The following VCPIP1 variants were observed in gnomAD, a reference collection of about 807,000 sequenced individuals.
The protein encoded by VCPIP1 is deubiquitinating protein VCPIP1.
Under a neutral mutation model 85.0 loss-of-function variants are expected in VCPIP1, and 8 were observed. The observed-to-expected ratio is 0.09, with a 90% confidence interval of 0.06 to 0.17. The LOEUF (loss-of-function observed/expected upper bound fraction) is 0.17. VCPIP1 is among the 10% of genes least tolerant of loss of function. The pLI, the probability that VCPIP1 is intolerant of heterozygous loss-of-function variation, is 1.00. For missense variants in VCPIP1, 1,070 were observed against 1,486.3 expected (o/e 0.72, Z 4.61); for synonymous variants, 543 against 544.5 (o/e 1.00, Z 0.04).
At chr8:66,635,423 A>ATT in intron 2 of VCPIP1, 51 bp from the exon 3 acceptor site, 1 of 1,481,308 alleles carries the variant, frequency 6.8e-7, no homozygotes, top group Non-Finnish European at 9.0e-7. Context: ...GGTATTAATA[A>ATT]AAGTGTAGTC....
rs1343858408 is a variant in VCPIP1, at chr8:66,631,964, G to A, written c.*2537C>T. On this transcript the variant is annotated 3_prime_UTR_variant, in exon 3 of 3. Transcript: ENST00000310421. ...AATTTGGTATGATTAACTATAAAAT[G>A]GATTACTGAAGAAAAAATTTACAAC... 1 of 151,788 alleles carries A rather than the reference G, an allele frequency of 6.6e-6. No homozygotes were observed. The highest frequency in any genetic ancestry group is 1.5e-5 in the Non-Finnish European group (1 of 67,840). The allele number at this position is 151,788 out of a possible 1,614,324, so 9.4% of individuals were successfully genotyped here. A position where few individuals can be genotyped will look rare whatever the true frequency, so the allele number is the denominator to read the frequency against.
In VCPIP1 at chr8:66,665,996, G is replaced by A. The variant is rs188866162; in HGVS notation, c.963C>T (p.Thr321=). Residue 321 remains threonine, a synonymous_variant, in exon 1 of 3, where the codon ACC becomes ACT. Transcript: ENST00000310421. This position sits in a 1 kb window ranked among gnomAD's most constrained non-coding sequence, Gnocchi z 4.3. ...GMRSSGDYSA[T]FLPGLIPAEK... ...CTGCAGGGATGAGCCCAGGTAGAAA[G>A]GTGGCTGAATAATCACCAGAGCTTC... 8 of 1,614,180 alleles carry A rather than the reference G, an allele frequency of 5.0e-6. No homozygotes were observed. In the Admixed American group the frequency reaches 1.2e-4, roughly 24 times the overall value.
chr8:66,649,780 C>T (rs952186333), intron 2 of VCPIP1, among the ~76,000 whole-genome samples: 10 of 152,130 alleles, frequency 6.6e-5, no homozygotes, highest in South Asian at 2.1e-4. Flanking sequence ...GTGTTGGTTA[C>T]ATGACTATAT....
chr8:66,659,653 C>G (rs182085713), intron 1 of VCPIP1, among the ~76,000 whole-genome samples: 1 of 152,016 alleles, frequency 6.6e-6, no homozygotes, highest in Non-Finnish European at 1.5e-5. Flanking sequence ...ACATACAGGC[C>G]GGGTGCAGTG....
At chr8:66,643,884 CAAA>C (rs35921029) in intron 2 of VCPIP1, among the ~76,000 whole-genome samples, 1 of 70,504 alleles carries the variant, frequency 1.4e-5, no homozygotes, top group African/African-American at 4.4e-5. Context: ...AATGGACAGC[CAAA>C]AAAAAAAAAA....
rs767825610 is a variant in VCPIP1 at position 66,635,022 on chromosome 8, C to T, written c.3148G>A (p.Val1050Ile). The change falls in exon 3 of 3, where the codon GTT becomes ATT. Residue 1050 changes from valine (V) to isoleucine (I), a missense_variant. By Grantham distance (29) the Val-to-Ile change is conservative (BLOSUM62 3). This residue lies in a region of VCPIP1 where 255 missense variants were observed against 289.5 expected (regional missense o/e 0.88). Coordinates refer to ENST00000310421, the MANE Select transcript of VCPIP1 (RefSeq NM_025054.5). ...GTCCCTGTATTATGCTTTCTTACAA[C>T]TGAAGTTTCCCTAGCTCTTGGATCA... ...HLDPRARETSVVRKHNTGTDF... is the reference protein window; with the variant it reads ...HLDPRARETSIVRKHNTGTDF... The T allele has an allele frequency of 3.1e-6, 5 of 1,613,530 alleles. No homozygotes were observed. The South Asian group carries it at 3.3e-5, about 11-fold the overall frequency.
At chr8:66,664,198 G>T in intron 1 of VCPIP1, 51 bp downstream of exon 1, 1 of 1,469,154 alleles carries the variant, frequency 6.8e-7, no homozygotes, top group Non-Finnish European at 9.0e-7. Context: ...GGAAAACTCA[G>T]TGTATTATAT....
In VCPIP1 at chr8:66,630,345, A is replaced by G. The variant is rs1586618906; in HGVS notation, c.*4156T>C. ...TTACACTATTACTGCTTATGTTTAC[A>G]AATTCTAAGTATCATTTCCCTCCAA... On this transcript the variant is annotated 3_prime_UTR_variant, in exon 3 of 3. Coordinates refer to ENST00000310421, the MANE Select transcript of VCPIP1 (RefSeq NM_025054.5). 1 of 152,646 alleles carries G rather than the reference A, an allele frequency of 6.6e-6. No homozygotes were observed. Among genetic ancestry groups the G allele is most frequent in the East Asian group, 1.9e-4 (1 of 5,190 alleles). The allele number at this position is 152,646 out of a possible 1,614,324, so 9.5% of individuals were successfully genotyped here.
chr8:66,649,717 C>A (rs527764111), intron 2 of VCPIP1, among the ~76,000 whole-genome samples: 1 of 152,214 alleles, frequency 6.6e-6, no homozygotes, highest in South Asian at 2.1e-4. Context: ...CAAAGAGGCA[C>A]AAGAAAACTT....
At chr8:66,659,363 ACTGT>A (rs957991254) in intron 1 of VCPIP1, among the ~76,000 whole-genome samples, 5 of 152,146 alleles carry the variant, frequency 3.3e-5, no homozygotes, top group African/African-American at 4.8e-5. Flanking sequence ...AATGAAGATG[ACTGT>A]CTGCAAAAAA....
At position 66,634,219 on chromosome 8, in the gene VCPIP1, T is replaced by A; in HGVS notation, c.*282A>T. ...CATGTTGGAAACATTAAGACTTTCA[T>A]GGAATTAAAATTACAAAGAACTTCC... is the stretch of plus-strand genomic sequence containing the variant. On this transcript the variant is annotated 3_prime_UTR_variant, in exon 3 of 3. Transcript: ENST00000310421. 1 of 273,144 alleles carries A rather than the reference T, an allele frequency of 3.7e-6. No homozygotes were observed. Among genetic ancestry groups the A allele is most frequent in the Non-Finnish European group, 6.8e-6 (1 of 147,248 alleles). 16.9% of individuals were successfully genotyped at this position (273,144 alleles called of 1,614,324 possible).
intron 1 of VCPIP1, among the ~76,000 whole-genome samples, chr8:66,653,142 A>G (rs894367367): frequency 2.0e-5 from 3 of 152,202 alleles, no homozygotes; most frequent in African/African-American, 7.2e-5. Flanking sequence ...CAGTTAATCA[A>G]AACATTTACT....
At chr8:66,639,903 G>A (rs1810930788) in intron 2 of VCPIP1, among the ~76,000 whole-genome samples, 1 of 151,998 alleles carries the variant, frequency 6.6e-6, no homozygotes, top group African/African-American at 2.4e-5. Context: ...TACATGATGA[G>A]AACATATGGA....
chr8:66,654,102 C>T (rs1811077514), intron 1 of VCPIP1, among the ~76,000 whole-genome samples: 6 of 152,232 alleles, frequency 3.9e-5, no homozygotes, highest in Admixed American at 2.0e-4. Flanking sequence ...CAAGATCACA[C>T]AGCTAGTAAG....
intron 1 of VCPIP1, among the ~76,000 whole-genome samples, chr8:66,655,906 A>T (rs1321201014): frequency 6.6e-6 from 1 of 152,102 alleles, no homozygotes; most frequent in Non-Finnish European, 1.5e-5. Context: ...TAGAAAAAAA[A>T]TCTATACTAC....
chr8:66,663,054 G>A (rs1216243181), intron 1 of VCPIP1, among the ~76,000 whole-genome samples: 3 of 145,902 alleles, frequency 2.1e-5, no homozygotes, highest in African/African-American at 7.6e-5. Context: ...GCAGTGAGCC[G>A]AGATGGCGCC....
chr8:66,646,714 C>T (rs1810998905), intron 2 of VCPIP1, among the ~76,000 whole-genome samples: 1 of 151,486 alleles, frequency 6.6e-6, no homozygotes, highest in Non-Finnish European at 1.5e-5. Flanking sequence ...GAAAGAATTG[C>T]TTGAACCCAG....
intron 2 of VCPIP1, among the ~76,000 whole-genome samples, chr8:66,639,325 T>TTC (rs1810924723): frequency 7.6e-6 from 1 of 131,830 alleles, no homozygotes; most frequent in Non-Finnish European, 1.6e-5. Flanking sequence ...TTTATTCTTT[T>TTC]TTTTTTTTTT....
At chr8:66,645,243 C>A (rs1243374112) in intron 2 of VCPIP1, among the ~76,000 whole-genome samples, 1 of 151,608 alleles carries the variant, frequency 6.6e-6, no homozygotes, top group Non-Finnish European at 1.5e-5. Flanking sequence ...CATAGTGAAA[C>A]CCCGTCTCTA....
Sources: gnomAD v4.1 joint callset for allele counts (sites outside exome capture counted in the v4.1 genomes callset) on GRCh38, gnomAD v4.1.1 for gene constraint, gnomAD v4.1.1 regional missense constraint, Gnocchi (gnomAD v3.1) non-coding constraint, MANE v1.5 for transcripts, NCBI Gene and HGNC (gene_info 2026-07-23, HGNC 2026-07-21) for gene names.